The following MICAL2 variants were observed in gnomAD, a reference collection of about 807,000 sequenced individuals.
MICAL2 encodes the protein microtubule associated monooxygenase, calponin and LIM domain containing 2.
In MICAL2, 77 loss-of-function variants were observed where a neutral mutation model predicts 127.3. The ratio of observed to expected loss-of-function variants is 0.60; its 90% CI spans 0.50 to 0.73. The LOEUF (loss-of-function observed/expected upper bound fraction) is 0.73, where lower values mean the gene tolerates loss of function less well. Among genes scored for constraint, MICAL2 ranks in the 30% least tolerant of loss-of-function variants. The pLI, the probability that MICAL2 is intolerant of heterozygous loss-of-function variation, is 0.00. For synonymous variants in MICAL2, 570 were observed against 551.1 expected (o/e 1.03, Z -0.48); for missense variants, 1,351 against 1,434.4 (o/e 0.94, Z 0.94).
intron 2 of MICAL2, among the ~76,000 whole-genome samples, chr11:12,147,066 G>C (rs996354818): frequency 2.0e-5 from 3 of 152,058 alleles, no homozygotes; most frequent in East Asian, 1.9e-4. Context: ...GTTATGGGGT[G>C]GGGGGAGCAG....
At chr11:12,189,850 G>T (rs1453338568) in intron 3 of MICAL2, among the ~76,000 whole-genome samples, 1 of 152,202 alleles carries the variant, frequency 6.6e-6, no homozygotes, top group Non-Finnish European at 1.5e-5. Context: ...CTCCCAGCAG[G>T]CTGTGAGGGG....
At chr11:12,332,989 T>A (rs895252843) in intron 32 of MICAL2, among the ~76,000 whole-genome samples, 3 of 152,192 alleles carry the variant, frequency 2.0e-5, no homozygotes, top group Non-Finnish European at 4.4e-5. Context: ...TTGCTGTATA[T>A]TCACCTCTGT....
intron 29 of MICAL2, chr11:12,303,445 G>T (rs549226049): frequency 6.6e-6 from 1 of 151,998 alleles, no homozygotes; most frequent in African/African-American, 2.4e-5. Context: ...AGTGTAAAAT[G>T]GTTTTCTATT....
At chr11:12,337,553 C>G (rs954677038) in intron 32 of MICAL2, among the ~76,000 whole-genome samples, 10 of 152,166 alleles carry the variant, frequency 6.6e-5, no homozygotes, top group Middle Eastern at 3.4e-3. Flanking sequence ...GTTAGGGTGT[C>G]AATTTTAGAT....
chr11:12,280,121 T>G (rs535360492), intron 1 of MICAL2, among the ~76,000 whole-genome samples: 1 of 152,338 alleles, frequency 6.6e-6, no homozygotes, highest in Non-Finnish European at 1.5e-5. Context: ...TGAATTCCAG[T>G]TATTTAAGGC....
chr11:12,220,633 G>A (rs1279700414), intron 9 of MICAL2, among the ~76,000 whole-genome samples, 175 bp downstream of exon 9: 1 of 152,250 alleles, frequency 6.6e-6, no homozygotes. Context: ...GCACTCAGAG[G>A]AGCCTATTCT....
intron 4 of MICAL2, among the ~76,000 whole-genome samples, chr11:12,205,667 G>C (rs930305672): frequency 1.3e-5 from 2 of 152,190 alleles, no homozygotes; most frequent in African/African-American, 4.8e-5. Flanking sequence ...CCCTCTTCAA[G>C]CCTCAGTTTT....
downstream of MICAL2, chr11:12,292,376 T>G: frequency 3.0e-5 from 44 of 1,487,628 alleles, no homozygotes; most frequent in Non-Finnish European, 3.8e-5. Flanking sequence ...CACTTATCTC[T>G]GGATTCCACG....
Position 12,262,130 on chromosome 11 carries a change from A to G in MICAL2, c.3335-350A>G, listed in dbSNP as rs1863200074. On this transcript the variant is annotated intron_variant, in intron 26 of 27. Coordinates refer to ENST00000683283, the MANE Select transcript of MICAL2 (RefSeq NM_001282663.2). ...GAGATGTTGAACCTTTCTGGTGGGC[A>G]GCACCGACACCCAGGGGTGGACCCC... The G allele has an allele frequency of 1.0e-5, 12 of 1,163,392 alleles. No individual in the cohort carries two copies. In the South Asian group the frequency reaches 2.3e-4, roughly 22 times the overall value. The allele number at this position is 1,163,392 out of a possible 1,614,324, so 72.1% of individuals were successfully genotyped here.
chr11:12,323,721 T>G (rs1247546268), intron 30 of MICAL2, among the ~76,000 whole-genome samples: 1 of 152,194 alleles, frequency 6.6e-6, no homozygotes, highest in Non-Finnish European at 1.5e-5. Context: ...TTGAATAAAA[T>G]TTAAAATTCA....
chr11:12,323,477 C>G (rs2134846295), intron 30 of MICAL2, among the ~76,000 whole-genome samples: 1 of 152,184 alleles, frequency 6.6e-6, no homozygotes, highest in Non-Finnish European at 1.5e-5. Context: ...TACTTGCCTA[C>G]CCGTCTCTCT....
intron 3 of MICAL2, among the ~76,000 whole-genome samples, chr11:12,189,880 C>T (rs1042703503): frequency 2.0e-5 from 3 of 152,148 alleles, no homozygotes; most frequent in Admixed American, 6.5e-5. Context: ...AGAAATTTGC[C>T]CTTAAAGATG....
chr11:12,168,115 G>A (rs1037185840), intron 3 of MICAL2, among the ~76,000 whole-genome samples: 1 of 150,332 alleles, frequency 6.7e-6, no homozygotes. Flanking sequence ...CAAATTGGGC[G>A]ACATAGTGAG....
At chr11:12,289,749 G>C (rs1395260800), downstream of MICAL2, among the ~76,000 whole-genome samples, 2 of 151,584 alleles carry the variant, frequency 1.3e-5, no homozygotes, top group East Asian at 1.9e-4. Context: ...TTGTATTTTT[G>C]GTAAAAACAA....
chr11:12,215,224 T>C (rs1855987949), intron 7 of MICAL2, among the ~76,000 whole-genome samples: 1 of 152,218 alleles, frequency 6.6e-6, no homozygotes, highest in Admixed American at 6.5e-5. Flanking sequence ...TTGCTGTGGT[T>C]GTCACCTTCG....
At position 12,135,989 on chromosome 11, in the gene MICAL2, G is replaced by A. The variant is rs191066538; in HGVS notation, c.-148-2401G>A. On this transcript the variant is annotated intron_variant, in intron 1 of 27. Coordinates refer to ENST00000683283, the MANE Select transcript of MICAL2 (RefSeq NM_001282663.2). The stretch of plus-strand genomic sequence containing the variant: ...TTCATTCAACAAATATTTACTGAGG[G>A]CCTGGAGGCTCCAGGCCCTGTCCAA... 1.6e-3 allele frequency among the ~76,000 whole-genome samples: 239 copies of A among 152,238 alleles called. 2 individuals carry two copies. Among genetic ancestry groups the A allele is most frequent in the African/African-American group, 4.9e-3 (204 of 41,566 alleles).
intron 22 of MICAL2, 88 bp downstream of exon 22, chr11:12,249,334 A>T (rs951903850): frequency 1.3e-6 from 1 of 779,382 alleles, no homozygotes; most frequent in South Asian, 1.5e-5. Flanking sequence ...AGTTAAGCGC[A>T]TATGATCAGC....
chr11:12,200,058 G>C (rs1860489245), intron 3 of MICAL2, among the ~76,000 whole-genome samples: 1 of 152,176 alleles, frequency 6.6e-6, no homozygotes, highest in Non-Finnish European at 1.5e-5. Flanking sequence ...GGTGGAGAGG[G>C]TGTGGAGAGT....
intron 1 of MICAL2, among the ~76,000 whole-genome samples, chr11:12,131,856 G>A (rs746268455): frequency 6.6e-6 from 1 of 152,198 alleles, no homozygotes; most frequent in Non-Finnish European, 1.5e-5. Context: ...GAGGGAAGTT[G>A]TAAGAACTGG....
Sources: allele counts gnomAD v4.1 joint callset (sites outside exome capture counted in the v4.1 genomes callset), GRCh38; gene constraint gnomAD v4.1.1; transcripts MANE v1.5; gene names NCBI Gene and HGNC (gene_info 2026-07-23, HGNC 2026-07-21).